Variants in RPN2 observed in about 807,000 individuals in gnomAD.
RPN2 encodes ribophorin II, also known as dolichyl-diphosphooligosaccharide--protein glycosyltransferase subunit 2.
Under a neutral mutation model 71.4 loss-of-function variants are expected in RPN2, and 29 were observed. That is an observed-to-expected ratio of 0.41 (90% CI 0.30 to 0.55). The LOEUF is 0.55. Among genes scored for constraint, RPN2 ranks in the 20% least tolerant of loss-of-function variants. The pLI is 0.35. For missense variants in RPN2, 726 were observed against 774.1 expected (o/e 0.94, Z 0.74); for synonymous variants, 308 against 305.0 (o/e 1.01, Z -0.10).
At chr20:37,210,013 T>G (rs2067618923) in intron 7 of RPN2, 34 bp from the exon 8 acceptor site, 1 of 1,610,496 alleles carries the variant, frequency 6.2e-7, no homozygotes, top group East Asian at 2.2e-5. Flanking sequence ...CCTGTAGCCT[T>G]TGTTGTAACA....
At chr20:37,210,260 T>G in intron 8 of RPN2, 95 bp downstream of exon 8, 1 of 1,594,652 alleles carries the variant, frequency 6.3e-7, no homozygotes, top group Non-Finnish European at 8.5e-7. Flanking sequence ...TCCAGTTAGG[T>G]AAATTTGATC....
At chr20:37,196,235 C>T (rs6065786) in intron 2 of RPN2, among the ~76,000 whole-genome samples, 105,804 of 145,918 alleles carry the variant, frequency 0.73, 38,187 homozygotes, top group Middle Eastern at 0.82. Context: ...TCCCCCCCAC[C>T]TTTTTTTTTT....
At chr20:37,179,497 TG>T in intron 1 of RPN2, 128 bp downstream of exon 1, 1 of 1,304,284 alleles carries the variant, frequency 7.7e-7, no homozygotes, top group South Asian at 1.8e-5. Context: ...AAGCTCTGGC[TG>T]GGGCGCTCTC....
chr20:37,207,430 A>G lies in RPN2; in HGVS notation c.848A>G (p.His283Arg). The G allele has an allele frequency of 6.2e-7, 1 of 1,614,178 alleles. No individual in the cohort carries two copies. The highest frequency in any genetic ancestry group is 8.5e-7 in the Non-Finnish European group (1 of 1,180,028). Residue 283 changes from histidine to arginine, a missense_variant, in exon 7 of 17, where the codon CAT becomes CGT. By Grantham distance (29) the His-to-Arg change is conservative. Coordinates refer to ENST00000237530, the MANE Select transcript of RPN2 (RefSeq NM_002951.5). Reference protein sequence around the residue: ...VVPEGSASDTHEQAILRLQVT... With the variant: ...VVPEGSASDTREQAILRLQVT... ...CCTGAGGGCTCTGCTTCCGACACTCATGAACAGGCTATCTTGCGGGTAAGA... is the reference window on the plus strand; with the variant it reads ...CCTGAGGGCTCTGCTTCCGACACTCGTGAACAGGCTATCTTGCGGGTAAGA...
rs755335792 is a variant in RPN2 at position 37,225,757 on chromosome 20, C to G, written c.1254C>G (p.Phe418Leu). ...ADSHQNFALF[F>L]QLVDVNTGAE... ...GCCACCAGAACTTCGCCTTGTTCTT[C>G]CAGCTGGTAGATGTGAACACTGGTG... is the stretch of plus-strand genomic sequence containing the variant. Residue 418 changes from phenylalanine to leucine, a missense_variant, in exon 11 of 17, where the codon TTC becomes TTG. Coordinates refer to ENST00000237530, the MANE Select transcript of RPN2 (RefSeq NM_002951.5). 1.9e-6 allele frequency: 3 copies of G among 1,614,146 alleles called. No individual in the cohort carries two copies. Among genetic ancestry groups the G allele is most frequent in the South Asian group, 2.2e-5 (2 of 91,082 alleles).
chr20:37,216,962 A>G (rs2067823293), intron 9 of RPN2, among the ~76,000 whole-genome samples: 1 of 148,920 alleles, frequency 6.7e-6, no homozygotes, highest in African/African-American at 2.5e-5. Context: ...ACAAGGTCTC[A>G]TTCTACCACC....
At chr20:37,200,281 G>A (rs1348874914) in intron 4 of RPN2, among the ~76,000 whole-genome samples, 3 of 152,018 alleles carry the variant, frequency 2.0e-5, no homozygotes, top group East Asian at 1.9e-4. Flanking sequence ...GAGCCACAGC[G>A]CCCGGCTGCC....
intron 2 of RPN2, among the ~76,000 whole-genome samples, chr20:37,195,802 T>C (rs76848807): frequency 0.01 from 1,542 of 152,314 alleles, 12 homozygotes; most frequent in Non-Finnish European, 0.017. Context: ...GCTTTACTTA[T>C]TCTCTTCAGA....
At chr20:37,182,575 T>A (rs1341813090) in intron 1 of RPN2, among the ~76,000 whole-genome samples, 3 of 151,986 alleles carry the variant, frequency 2.0e-5, no homozygotes, top group South Asian at 2.1e-4. Flanking sequence ...ATTTTCTTTT[T>A]TGTAGAGAAA....
At chr20:37,221,657 A>G (rs762273917) in intron 9 of RPN2, among the ~76,000 whole-genome samples, 1 of 152,248 alleles carries the variant, frequency 6.6e-6, no homozygotes, top group Non-Finnish European at 1.5e-5. Context: ...AGTTAGAGAA[A>G]TAGGGAATTA....
At chr20:37,213,545 G>A (rs781479371) in intron 8 of RPN2, among the ~76,000 whole-genome samples, 7 of 152,032 alleles carry the variant, frequency 4.6e-5, no homozygotes, top group African/African-American at 1.2e-4. Flanking sequence ...AGCTGTGATC[G>A]TGCCACTATA....
intron 11 of RPN2, among the ~76,000 whole-genome samples, chr20:37,227,365 G>A (rs1181557960): frequency 6.6e-6 from 1 of 152,250 alleles, no homozygotes; most frequent in Non-Finnish European, 1.5e-5. Context: ...GAATTCTGCT[G>A]TAGAATCATG....
intron 1 of RPN2, among the ~76,000 whole-genome samples, chr20:37,180,068 A>T (rs1039654057): frequency 1.3e-5 from 2 of 152,224 alleles, no homozygotes; most frequent in African/African-American, 4.8e-5. Context: ...ATTGGAAGTT[A>T]CTGAGTAGAC....
chr20:37,214,307 A>G (rs534813201), intron 9 of RPN2, among the ~76,000 whole-genome samples: 1 of 152,350 alleles, frequency 6.6e-6, no homozygotes, highest in South Asian at 2.1e-4. Context: ...GGTAAAGGAT[A>G]AAAGAAAATC....
chr20:37,195,084 A>G (rs1314883156), intron 2 of RPN2, among the ~76,000 whole-genome samples: 1 of 152,108 alleles, frequency 6.6e-6, no homozygotes, highest in Non-Finnish European at 1.5e-5. Flanking sequence ...GTTGGAAGCA[A>G]GCAGATCGGG....
At chr20:37,213,637 G>T in intron 8 of RPN2, 123 bp from the exon 9 acceptor site, 1 of 768,028 alleles carries the variant, frequency 1.3e-6, no homozygotes, top group Non-Finnish European at 2.3e-6. Context: ...GGGGTGGGAA[G>T]TCAAAAAGGT....
intron 5 of RPN2, 60 bp downstream of exon 5, chr20:37,204,020 T>C (rs2067455978): frequency 8.3e-7 from 1 of 1,198,800 alleles, no homozygotes; most frequent in African/African-American, 1.5e-5. Flanking sequence ...TGCAGAAGAA[T>C]CTTGCAGATA....
intron 5 of RPN2, 144 bp downstream of exon 5, chr20:37,204,104 G>A (rs1357568354): frequency 2.8e-6 from 2 of 715,602 alleles, no homozygotes; most frequent in African/African-American, 1.7e-5. Context: ...TTGTATTAAG[G>A]TATTGTGTCC....
At chr20:37,179,569 G>A in intron 1 of RPN2, 200 bp downstream of exon 1, 1 of 1,334,244 alleles carries the variant, frequency 7.5e-7, no homozygotes, top group South Asian at 1.7e-5. Flanking sequence ...TGGCGGGGTT[G>A]GTGCCTGGGG....
Sources: gnomAD v4.1 joint callset for allele counts (sites outside exome capture counted in the v4.1 genomes callset) on GRCh38, gnomAD v4.1.1 for gene constraint, MANE v1.5 for transcripts, NCBI Gene and HGNC (gene_info 2026-07-23, HGNC 2026-07-21) for gene names.